SAMM50: variants seen among roughly 807,000 people sequenced by gnomAD.
SAMM50 encodes the protein sorting and assembly machinery component 50 homolog.
Under a neutral mutation model 66.9 loss-of-function variants are expected in SAMM50, and 47 were observed. The ratio of observed to expected loss-of-function variants is 0.70; its 90% CI spans 0.56 to 0.90. The LOEUF (loss-of-function observed/expected upper bound fraction) is 0.90. Among genes scored for constraint, SAMM50 ranks in the 40% least tolerant of loss-of-function variants. SAMM50 has a pLI of 0.00. For synonymous variants in SAMM50, 191 were observed against 214.1 expected (o/e 0.89, Z 0.94); for missense variants, 535 against 595.3 (o/e 0.90, Z 1.05).
chr22:43,968,226 C>CAA (rs66961907), intron 3 of SAMM50, among the ~76,000 whole-genome samples: 36 of 68,568 alleles, frequency 5.3e-4, no homozygotes, highest in South Asian at 1.2e-3. Flanking sequence ...AACTCTGTCT[C>CAA]AAAAAAAAAA....
intron 1 of SAMM50, among the ~76,000 whole-genome samples, chr22:43,958,985 A>G (rs11705218): frequency 0.2 from 29,412 of 150,152 alleles, 3,092 homozygotes; most frequent in East Asian, 0.34. Context: ...ATAATACTTA[A>G]TATGTGTTAT....
chr22:43,980,755 G>A (rs1167370742), intron 10 of SAMM50, among the ~76,000 whole-genome samples: 3 of 152,234 alleles, frequency 2.0e-5, no homozygotes, highest in Non-Finnish European at 4.4e-5. Context: ...GAGAACGTGT[G>A]AGGCTCGGCC....
rs1044925272 is a variant in SAMM50, at chr22:43,955,490, C to T, written c.-88C>T. The T allele has an allele frequency of 6.7e-6, 10 of 1,487,314 alleles. No individual in the cohort carries two copies. Among genetic ancestry groups the T allele is most frequent in the East Asian group, 2.4e-5 (1 of 41,264 alleles). 92.1% of individuals were successfully genotyped at this position (1,487,314 alleles called of 1,614,324 possible). On this transcript the variant is annotated 5_prime_UTR_variant, in exon 1 of 15. Coordinates refer to ENST00000350028, the MANE Select transcript of SAMM50 (RefSeq NM_015380.5). ...TGGGAGTTGCCTTGACCTGCAGCTCCGCCACCGCGGACCCGCCTTCTGCCC... is the reference window on the plus strand; with the variant it reads ...TGGGAGTTGCCTTGACCTGCAGCTCTGCCACCGCGGACCCGCCTTCTGCCC...
chr22:43,990,455 T>C, intron 14 of SAMM50, 49 bp downstream of exon 14: 2 of 1,574,612 alleles, frequency 1.3e-6, no homozygotes, highest in Non-Finnish European at 1.7e-6. Flanking sequence ...TCTCCAGTAA[T>C]TTTATTTTGT....
intron 1 of SAMM50, among the ~76,000 whole-genome samples, chr22:43,962,881 A>ATTT (rs58022542): frequency 0.016 from 1,045 of 65,452 alleles, 215 homozygotes; most frequent in African/African-American, 0.056. Flanking sequence ...CTTTTGGTTA[A>ATTT]TTTTTTTTTT....
chr22:43,993,036 C>T (rs1343040115), intron 14 of SAMM50, among the ~76,000 whole-genome samples: 6 of 152,234 alleles, frequency 3.9e-5, no homozygotes, highest in Non-Finnish European at 8.8e-5. Context: ...CTATGAAGCC[C>T]TTATTCCCTC....
chr22:43,956,772 T>TG (rs1201297293), intron 1 of SAMM50, among the ~76,000 whole-genome samples: 1 of 152,220 alleles, frequency 6.6e-6, no homozygotes, highest in Non-Finnish European at 1.5e-5. Flanking sequence ...GTTCCTCTGT[T>TG]GCGGGGAGGA....
At chr22:43,995,022 TGA>T (rs2050345576) in intron 14 of SAMM50, among the ~76,000 whole-genome samples, 1 of 152,328 alleles carries the variant, frequency 6.6e-6, no homozygotes, top group African/African-American at 2.4e-5. Context: ...TTGAAGGAGC[TGA>T]GAGTGTACAA....
At chr22:43,964,650 C>T in intron 3 of SAMM50, 97 bp downstream of exon 3, 1 of 664,128 alleles carries the variant, frequency 1.5e-6, no homozygotes, top group Non-Finnish European at 2.6e-6. Context: ...CGCCCGGCCT[C>T]TGTGCCGGAG....
chr22:43,972,951 T>A lies in SAMM50; in HGVS notation c.510T>A (p.Thr170=). 1 of 1,601,454 alleles carries A rather than the reference T, an allele frequency of 6.2e-7. No individual in the cohort carries two copies. The highest frequency in any genetic ancestry group is 1.1e-5 in the South Asian group (1 of 87,090). The change falls in exon 6 of 15, where the codon ACT becomes ACA. Residue 170 remains threonine (T), a synonymous_variant. Transcript: ENST00000350028. ...TFQFSYGTKE[T]SYGLSFFKPR... ...AGTTTTCCTATGGAACAAAAGAAAC[T>A]TCGTATGGCCTGTCCTTCTTCAAAC...
intron 2 of SAMM50, among the ~76,000 whole-genome samples, chr22:43,963,917 A>ATTTATTTATTTTTTTT (rs1569025181): frequency 1.3e-5 from 2 of 150,236 alleles, no homozygotes; most frequent in African/African-American, 5.0e-5. Context: ...TATTTTTAAA[A>ATTTATTTATTTTTTTT]TTTTTTTTGA....
intron 14 of SAMM50, among the ~76,000 whole-genome samples, chr22:43,994,667 G>A (rs2281296): frequency 0.18 from 27,154 of 152,136 alleles, 2,820 homozygotes; most frequent in East Asian, 0.34. Flanking sequence ...CCAAGACAGC[G>A]GCCGTGAGGG....
At chr22:43,963,456 C>A in intron 2 of SAMM50, 60 bp downstream of exon 2, 2 of 996,904 alleles carry the variant, frequency 2.0e-6, no homozygotes, top group Non-Finnish European at 3.1e-6. Flanking sequence ...CTTCCATACA[C>A]CACTAGGGAG....
intron 3 of SAMM50, among the ~76,000 whole-genome samples, chr22:43,966,634 G>T (rs1375116938): frequency 6.6e-6 from 1 of 152,148 alleles, no homozygotes; most frequent in African/African-American, 2.4e-5. Flanking sequence ...GGGATTACAG[G>T]TGTGAGCCAC....
intron 3 of SAMM50, among the ~76,000 whole-genome samples, chr22:43,965,876 C>T (rs2050170652): frequency 6.6e-6 from 1 of 152,044 alleles, no homozygotes; most frequent in Admixed American, 6.6e-5. Context: ...GGTGCAAGTC[C>T]TGCTCAGGCT....
chr22:43,996,088 A>C (rs2050352332), intron 14 of SAMM50: 1 of 612,710 alleles, frequency 1.6e-6, no homozygotes, highest in Admixed American at 2.6e-5. Flanking sequence ...GGAGTAGTGC[A>C]GGAGGATTTG....
intron 5 of SAMM50, 36 bp from the exon 6 acceptor site, chr22:43,972,835 G>A: frequency 6.4e-7 from 1 of 1,569,228 alleles, no homozygotes; most frequent in Non-Finnish European, 8.6e-7. Flanking sequence ...TTCCTTCAAT[G>A]TAGACCACTG....
At chr22:43,975,070 A>G (rs1337049129) in intron 7 of SAMM50, 2 of 151,634 alleles carry the variant, frequency 1.3e-5, no homozygotes, top group East Asian at 3.9e-4. Flanking sequence ...CAGGCCTTCT[A>G]AGGAATGAAG....
chr22:43,957,154 T>G (rs1323146786), intron 1 of SAMM50: 3 of 767,122 alleles, frequency 3.9e-6, no homozygotes, highest in Non-Finnish European at 7.2e-6. Flanking sequence ...GAATTCTATT[T>G]GGGCTCATGT....
Sources: gnomAD v4.1 joint callset for allele counts (sites outside exome capture counted in the v4.1 genomes callset) on GRCh38, gnomAD v4.1.1 for gene constraint, MANE v1.5 for transcripts, NCBI Gene and HGNC (gene_info 2026-07-23, HGNC 2026-07-21) for gene names.